Variants in COL12A1 observed in about 807,000 individuals in gnomAD.
The protein encoded by COL12A1 is collagen type XII alpha 1 chain, also known as collagen alpha-1(XII) chain.
COL12A1 carries 114 observed loss-of-function variants against 349.7 expected under a neutral mutation model. The ratio of observed to expected loss-of-function variants is 0.33; its 90% CI spans 0.28 to 0.38. The LOEUF is 0.38. Ranked by LOEUF, COL12A1 falls within the 10% of genes least tolerant of loss-of-function variation. The probability of loss-of-function intolerance (pLI) is 1.00; values close to 1 mark genes in which losing one functional copy is unlikely to be tolerated. For synonymous variants in COL12A1, 1,369 were observed against 1,329.0 expected, an observed-to-expected ratio of 1.03 and a Z score of -0.66; for missense variants, 3,284 against 3,756.9, an observed-to-expected ratio of 0.87 and a Z score of 3.29.
At chr6:75,164,668 C>T (rs368746307) in intron 14 of COL12A1, among the ~76,000 whole-genome samples, 9 of 152,236 alleles carry the variant, frequency 5.9e-5, no homozygotes, top group East Asian at 3.9e-4. Flanking sequence ...CATGCACAGC[C>T]TCCTGCATTA....
intron 25 of COL12A1, among the ~76,000 whole-genome samples, chr6:75,144,006 C>T (rs898798709): frequency 3.3e-5 from 5 of 152,178 alleles, no homozygotes; most frequent in African/African-American, 1.2e-4. Context: ...TTCACTCTTT[C>T]CAGCTGCCCA....
intron 4 of COL12A1, among the ~76,000 whole-genome samples, chr6:75,191,996 T>C (rs957269707): frequency 6.6e-6 from 1 of 152,014 alleles, no homozygotes; most frequent in Admixed American, 6.6e-5. Flanking sequence ...TTAACATTTT[T>C]AATGGTCTTC....
chr6:75,091,972 C>T (rs1315820103), intron 60 of COL12A1, among the ~76,000 whole-genome samples: 1 of 152,196 alleles, frequency 6.6e-6, no homozygotes, highest in African/African-American at 2.4e-5. Flanking sequence ...TAAGAACCAG[C>T]AGGCTGTTGT....
chr6:75,148,329 A>C, intron 22 of COL12A1, 29 bp downstream of exon 22: 1 of 1,597,686 alleles, frequency 6.3e-7, no homozygotes, highest in Non-Finnish European at 8.5e-7. Flanking sequence ...AACATCAGGA[A>C]GAAGTAAGTT....
At chr6:75,097,210 G>A in intron 59 of COL12A1, 43 bp downstream of exon 59, 1 of 1,571,124 alleles carries the variant, frequency 6.4e-7, no homozygotes, top group Non-Finnish European at 8.8e-7. Context: ...AGGTGAGAGG[G>A]TGGGAGTGAA....
chr6:75,189,584 T>G lies in COL12A1; in HGVS notation c.626A>C (p.Lys209Thr), dbSNP rs75535959. Reference protein sequence around the residue: ...QRDELLAAIKKIPYKGGNTMT... With the variant: ...QRDELLAAIKTIPYKGGNTMT... ...TGTGTTGCCACCTTTATATGGAATT[T>G]TTTTTATTGCAGCAAGAAGTTCATC... is the stretch of plus-strand genomic sequence containing the variant. The change falls in exon 6 of 66, where the codon AAA becomes ACA. Residue 209 changes from lysine to threonine, a missense_variant. Coordinates refer to ENST00000322507, the MANE Select transcript of COL12A1 (RefSeq NM_004370.6). 4.2e-3 allele frequency: 6,782 copies of G among 1,613,054 alleles called. 239 individuals are homozygous for G. In the African/African-American group the frequency reaches 0.08, roughly 19 times the overall value.
intron 4 of COL12A1, 33 bp from the exon 5 acceptor site, chr6:75,191,793 T>G: frequency 7.0e-7 from 1 of 1,426,054 alleles, no homozygotes; most frequent in South Asian, 1.3e-5. Context: ...CAAAAGGAAA[T>G]GAACCCAAGC....
At position 75,181,039 on chromosome 6, in the gene COL12A1, G is replaced by A. The variant is rs746946822; in HGVS notation, c.2064C>T (p.Leu688=). The part of the protein sequence containing the change: ...VEPASSTSVV[L]SSLKPETLYL... ...ACAAGGTCTCTGGCTTCAGGCTGCT[G>A]AGAACAACACTGGTGCTCGATGCTG... is the stretch of plus-strand genomic sequence containing the variant. The change falls in exon 11 of 66, where the codon CTC becomes CTT. Residue 688 remains leucine (L), a synonymous_variant. Transcript: ENST00000322507. The A allele has an allele frequency of 8.1e-6, 13 of 1,613,958 alleles. No homozygotes were observed. Among genetic ancestry groups the A allele is most frequent in the Non-Finnish European group, 1.0e-5 (12 of 1,180,014 alleles).
chr6:75,104,186 T>TTA, intron 54 of COL12A1, among the ~76,000 whole-genome samples: 1 of 152,146 alleles, frequency 6.6e-6, no homozygotes, highest in Non-Finnish European at 1.5e-5. Flanking sequence ...CTCAGAGTAT[T>TTA]AGAACATGTA....
intron 9 of COL12A1, 31 bp downstream of exon 9, chr6:75,183,823 T>A (rs1202694388): frequency 1.2e-6 from 2 of 1,606,938 alleles, no homozygotes; most frequent in Non-Finnish European, 1.7e-6. Context: ...CTTCACATAT[T>A]CCAAATACAA....
intron 14 of COL12A1, among the ~76,000 whole-genome samples, chr6:75,158,356 G>A (rs566322921): frequency 6.6e-6 from 1 of 152,222 alleles, no homozygotes; most frequent in South Asian, 2.1e-4. Context: ...AAGGCCATAT[G>A]AGGACATAAA....
chr6:75,143,150 A>G, intron 26 of COL12A1, 102 bp downstream of exon 26: 1 of 1,328,868 alleles, frequency 7.5e-7, no homozygotes, highest in African/African-American at 1.5e-5. Context: ...TAACAAAGTG[A>G]CAAGTATTCA....
In COL12A1 at chr6:75,147,757, T is replaced by C. The variant is rs113549828; in HGVS notation, c.4335A>G (p.Lys1445=). Residue 1445 remains lysine, a synonymous_variant, in exon 23 of 66, where the codon AAA becomes AAG. Transcript: ENST00000322507. ...METSTVLKDL[K]PETEYVVNVY... is the part of the protein sequence containing the mutation. ...CATTGACAACATATTCAGTTTCAGG[T>C]TTCAGATCTTTCAGCACTGTGCTAG... 989 of 1,613,600 alleles carry C rather than the reference T, an allele frequency of 6.1e-4. 2 individuals carry two copies. The African/African-American group carries it at 0.012, about 20-fold the overall frequency.
chr6:75,186,282 A>T (rs1405344247), intron 8 of COL12A1, among the ~76,000 whole-genome samples: 1 of 152,214 alleles, frequency 6.6e-6, no homozygotes, highest in Non-Finnish European at 1.5e-5. Flanking sequence ...AAAACAACAC[A>T]CAACCCCATT....
At chr6:75,114,804 T>G (rs563728736) in intron 49 of COL12A1, among the ~76,000 whole-genome samples, 1 of 152,250 alleles carries the variant, frequency 6.6e-6, no homozygotes, top group African/African-American at 2.4e-5. Flanking sequence ...TTCTCCTTCC[T>G]TAATTAGTGC....
At chr6:75,104,099 GA>G (rs1768431216) in intron 54 of COL12A1, among the ~76,000 whole-genome samples, 1 of 152,128 alleles carries the variant, frequency 6.6e-6, no homozygotes, top group African/African-American at 2.4e-5. Context: ...ACAATAAAGA[GA>G]AAAATGAGCT....
At chr6:75,136,369 G>A (rs1039726101) in intron 31 of COL12A1, among the ~76,000 whole-genome samples, 2 of 152,014 alleles carry the variant, frequency 1.3e-5, no homozygotes, top group African/African-American at 4.8e-5. Context: ...CACTACCTAA[G>A]ACTGGAGCTA....
At position 75,123,356 on chromosome 6, in the gene COL12A1, G is replaced by C; in HGVS notation, c.6920C>G (p.Pro2307Arg). Residue 2307 changes from proline to arginine, a missense_variant, in exon 43 of 66, where the codon CCT becomes CGT. By Grantham distance (103) the Pro-to-Arg change is moderately radical. Transcript: ENST00000322507. ...ATCCCGGGCTGGTGGAATGGTGGGAGGGGGAGGAGGTGTGGGTGGCTCTGT... is the reference window on the plus strand; with the variant it reads ...ATCCCGGGCTGGTGGAATGGTGGGACGGGGAGGAGGTGTGGGTGGCTCTGT... ...APTEPPTPPP[P>R]PTIPPARDVC... is the part of the protein sequence containing the mutation. The C allele has an allele frequency of 1.2e-6, 2 of 1,607,874 alleles. No individual in the cohort carries two copies. Among genetic ancestry groups the C allele is most frequent in the Non-Finnish European group, 1.7e-6 (2 of 1,176,958 alleles).
In COL12A1 at chr6:75,130,562, T is replaced by G. The variant is rs141340805; in HGVS notation, c.6067+290A>C. Among the ~76,000 whole-genome samples the G allele has an allele frequency of 7.2e-5, 11 of 152,126 alleles. No homozygotes were observed. The East Asian group carries it at 1.5e-3, about 21-fold the overall frequency. On this transcript the variant is annotated intron_variant, in intron 36 of 65. Coordinates refer to ENST00000322507, the MANE Select transcript of COL12A1 (RefSeq NM_004370.6). ...CCAAAGTCCCCATTTGGTAAGATGA[T>G]TCACTGCAGAGTAGAAAGAGGGAAA...
Sources: allele counts gnomAD v4.1 joint callset (sites outside exome capture counted in the v4.1 genomes callset), GRCh38; gene constraint gnomAD v4.1.1; transcripts MANE v1.5; gene names NCBI Gene and HGNC (gene_info 2026-07-23, HGNC 2026-07-21).